The following ZNRF3 variants were observed in gnomAD, a reference collection of about 807,000 sequenced individuals.
The protein encoded by ZNRF3 is E3 ubiquitin-protein ligase ZNRF3.
ZNRF3 carries 23 observed loss-of-function variants against 72.5 expected under a neutral mutation model. That is an observed-to-expected ratio of 0.32 (90% CI 0.23 to 0.45). The LOEUF (loss-of-function observed/expected upper bound fraction) is 0.45, where lower values mean the gene tolerates loss of function less well. ZNRF3 is among the 20% of genes least tolerant of loss of function. The probability of loss-of-function intolerance (pLI) is 1.00; values close to 1 mark genes in which losing one functional copy is unlikely to be tolerated. For synonymous variants in ZNRF3, 610 were observed against 545.3 expected (o/e 1.12, Z -1.65); for missense variants, 1,169 against 1,272.1 (o/e 0.92, Z 1.23).
chr22:29,050,357 G>A lies in ZNRF3; in HGVS notation c.2176G>A (p.Gly726Arg), dbSNP rs771030853. ...GCCCTCCCCAGCCGGGCCTAGCGCCGGAGCAGCTGGCAGCAGCACCTTGTT... is the reference window on the plus strand; with the variant it reads ...GCCCTCCCCAGCCGGGCCTAGCGCCAGAGCAGCTGGCAGCAGCACCTTGTT... ...PQPSPAGPSAGAAGSSTLFLG... is the reference protein window; with the variant it reads ...PQPSPAGPSARAAGSSTLFLG... The change falls in exon 8 of 9, where the codon GGA becomes AGA. Residue 726 changes from glycine (G) to arginine (R), a missense_variant. Physicochemically the swap from Gly to Arg is moderately radical, Grantham distance 125. This residue lies in a region of ZNRF3 where 783 missense variants were observed against 731.4 expected (regional missense o/e 1.07). Transcript: ENST00000544604. 1.7e-5 allele frequency: 28 copies of A among 1,603,200 alleles called. No individual in the cohort carries two copies. Among genetic ancestry groups the A allele is most frequent in the Non-Finnish European group, 2.2e-5 (26 of 1,175,756 alleles).
intron 1 of ZNRF3, among the ~76,000 whole-genome samples, chr22:28,907,583 T>G (rs775870254): frequency 1.3e-5 from 2 of 152,138 alleles, no homozygotes; most frequent in Non-Finnish European, 2.9e-5. Flanking sequence ...AGATTTTGCT[T>G]TCATTTGGTT....
chr22:28,952,191 G>T (rs1432691085), intron 1 of ZNRF3, among the ~76,000 whole-genome samples: 6 of 152,236 alleles, frequency 3.9e-5, no homozygotes, highest in Admixed American at 3.9e-4. Context: ...TTTGGTTCTT[G>T]CCAGGATGTC....
intron 8 of ZNRF3, among the ~76,000 whole-genome samples, chr22:29,051,557 T>G (rs1011417575): frequency 1.4e-5 from 2 of 138,920 alleles, no homozygotes; most frequent in Non-Finnish European, 1.5e-5. Context: ...TGAGCCAAGA[T>G]CAAGCTACTG....
At chr22:28,955,359 T>G (rs1169263424) in intron 1 of ZNRF3, among the ~76,000 whole-genome samples, 1 of 152,152 alleles carries the variant, frequency 6.6e-6, no homozygotes, top group Admixed American at 6.5e-5. Flanking sequence ...TTTAAAATGG[T>G]AGTTTTTTAA....
chr22:29,043,762 G>A (rs549894028), intron 4 of ZNRF3, among the ~76,000 whole-genome samples: 224 of 152,218 alleles, frequency 1.5e-3, no homozygotes, highest in African/African-American at 4.3e-3. Context: ...TTGAAGGGAT[G>A]GGGCATCCAG....
chr22:28,932,398 A>G (rs2034722577), intron 1 of ZNRF3, among the ~76,000 whole-genome samples: 1 of 152,154 alleles, frequency 6.6e-6, no homozygotes, highest in South Asian at 2.1e-4. Flanking sequence ...AGTGGAGAGA[A>G]CCTGACTTTT....
intron 1 of ZNRF3, among the ~76,000 whole-genome samples, chr22:28,885,441 G>T (rs1446059305): frequency 6.6e-6 from 1 of 152,142 alleles, no homozygotes; most frequent in Non-Finnish European, 1.5e-5. Context: ...CTTAAAAAAA[G>T]TTGTAATTAT....
Position 29,043,471 on chromosome 22 carries a change from C to T in ZNRF3, c.633+41C>T, listed in dbSNP as rs771095477. The T allele has an allele frequency of 3.1e-6, 5 of 1,606,678 alleles. No individual in the cohort carries two copies. The South Asian group carries it at 5.5e-5, about 18-fold the overall frequency. On this transcript the variant is annotated intron_variant, in intron 4 of 8. Transcript: ENST00000544604. ...ATTTGGCACAGGCTCGGGGCCTTCTCTGCTACTACCTGTCCCTTTATTTCC... is the reference window on the plus strand; with the variant it reads ...ATTTGGCACAGGCTCGGGGCCTTCTTTGCTACTACCTGTCCCTTTATTTCC...
chr22:28,985,369 C>T (rs1363729459), intron 1 of ZNRF3, among the ~76,000 whole-genome samples: 3 of 152,082 alleles, frequency 2.0e-5, no homozygotes, highest in South Asian at 2.1e-4. Flanking sequence ...AACTCCTCCC[C>T]GGGCTTGGAA....
chr22:28,908,280 A>G (rs1456038825), intron 1 of ZNRF3, among the ~76,000 whole-genome samples: 3 of 152,188 alleles, frequency 2.0e-5, no homozygotes, highest in African/African-American at 7.2e-5. Flanking sequence ...TTTCTTTCCA[A>G]AGAACCCTCA....
intron 2 of ZNRF3, among the ~76,000 whole-genome samples, chr22:29,008,574 A>G (rs553542216): frequency 1.3e-5 from 2 of 152,314 alleles, no homozygotes; most frequent in Non-Finnish European, 1.5e-5. Context: ...AAGGCCATCT[A>G]ACTTCAAGGC....
Position 29,049,891 on chromosome 22 carries a change from C to T in ZNRF3, c.1710C>T (p.Asp570=), listed in dbSNP as rs778034070. Residue 570 remains aspartate (D), a synonymous_variant, in exon 8 of 9, where the codon GAC becomes GAT. Transcript: ENST00000544604. This position sits in a 1 kb window ranked among gnomAD's most constrained non-coding sequence, Gnocchi z 5.2. ...CHCSSSDSVV[D]CTEVSNQGVY... is the part of the protein sequence containing the mutation. Reference sequence around the variant, plus strand: ...GTTCCTCCAGTGACTCTGTGGTAGACTGCACTGAGGTCAGCAACCAGGGCG... The same window carrying T: ...GTTCCTCCAGTGACTCTGTGGTAGATTGCACTGAGGTCAGCAACCAGGGCG... 1.2e-6 allele frequency: 2 copies of T among 1,603,254 alleles called. No homozygotes were observed. Among genetic ancestry groups the T allele is most frequent in the Non-Finnish European group, 1.7e-6 (2 of 1,174,462 alleles).
In ZNRF3 at chr22:29,009,209, C is replaced by T. The variant is rs1429072330; in HGVS notation, c.426+22008C>T. 3.3e-5 allele frequency among the ~76,000 whole-genome samples: 5 copies of T among 152,116 alleles called. 1 individual carries two copies. Among genetic ancestry groups the T allele is most frequent in the Admixed American group, 3.3e-4 (5 of 15,274 alleles). On this transcript the variant is annotated intron_variant, in intron 2 of 8. Coordinates refer to ENST00000544604, the MANE Select transcript of ZNRF3 (RefSeq NM_001206998.2). ...GCTTCACAGAAGAGATGAAACTCAA[C>T]TTTTAAGACTGGCTGGGTTTGGGGG...
chr22:28,929,935 G>A (rs132554), intron 1 of ZNRF3, among the ~76,000 whole-genome samples: 128,708 of 152,202 alleles, frequency 0.85, 55,282 homozygotes, highest in East Asian at 0.95. Flanking sequence ...TTGATGTATC[G>A]TTTAAAACAT....
rs57329565 is a variant in ZNRF3 at position 28,994,176 on chromosome 22, C to CTTTTTTTTTTTTTTTTTTTTTTTT, written c.426+6979_426+7002dup. 1.5e-3 allele frequency among the ~76,000 whole-genome samples: 60 copies of CTTTTTTTTTTTTTTTTTTTTTTTT among 39,810 alleles called. 7 individuals carry two copies. Among genetic ancestry groups the CTTTTTTTTTTTTTTTTTTTTTTTT allele is most frequent in the South Asian group, 2.7e-3 (2 of 748 alleles). 26.1% of individuals were successfully genotyped at this position (39,810 alleles called of 152,430 possible). ...TCCTTTATTGTCCTTCAGTTCCTTTCTTTTTTTTTTTTTTTTTTTTTTTTT... is the reference window on the plus strand; with the variant it reads ...TCCTTTATTGTCCTTCAGTTCCTTTCTTTTTTTTTTTTTTTTTTTTTTTTTTTTTTTTTTTTTTTTTTTTTTTTT... On this transcript the variant is annotated intron_variant, in intron 2 of 8. Coordinates refer to ENST00000544604, the MANE Select transcript of ZNRF3 (RefSeq NM_001206998.2).
chr22:28,912,016 A>T (rs1376234827), intron 1 of ZNRF3, among the ~76,000 whole-genome samples: 1 of 152,230 alleles, frequency 6.6e-6, no homozygotes, highest in Non-Finnish European at 1.5e-5. Flanking sequence ...ATTATGTAAG[A>T]GAAGGGCCCG....
intron 2 of ZNRF3, among the ~76,000 whole-genome samples, chr22:28,991,887 A>G (rs1254912225): frequency 6.6e-6 from 1 of 152,114 alleles, no homozygotes; most frequent in Non-Finnish European, 1.5e-5. Flanking sequence ...TCACACCTAT[A>G]ATCTCAACAC....
intron 1 of ZNRF3, chr22:28,917,444 C>T: frequency 1.0e-6 from 1 of 985,410 alleles, no homozygotes; most frequent in South Asian, 4.7e-5. Flanking sequence ...GTGGTGTCCA[C>T]TTAATCTTAC....
chr22:29,020,778 T>G (rs134553), intron 2 of ZNRF3, among the ~76,000 whole-genome samples: 7,700 of 126,558 alleles, frequency 0.061, 264 homozygotes, highest in Non-Finnish European at 0.086. Flanking sequence ...TGTGTGTGGG[T>G]GTGTGTGTGT....
Sources: gnomAD v4.1 joint callset for allele counts (sites outside exome capture counted in the v4.1 genomes callset) on GRCh38, gnomAD v4.1.1 for gene constraint, gnomAD v4.1.1 regional missense constraint, Gnocchi (gnomAD v3.1) non-coding constraint, MANE v1.5 for transcripts, NCBI Gene and HGNC (gene_info 2026-07-23, HGNC 2026-07-21) for gene names.